The following NEGR1 variants were observed in gnomAD, a reference collection of about 807,000 sequenced individuals.
The protein encoded by NEGR1 is neuronal growth regulator 1.
Under a neutral mutation model 40.9 loss-of-function variants are expected in NEGR1, and 10 were observed. The observed-to-expected ratio is 0.24, with a 90% CI of 0.15 to 0.42. The LOEUF (loss-of-function observed/expected upper bound fraction) is 0.42, where lower values mean the gene tolerates loss of function less well. NEGR1 is among the 10% of genes least tolerant of loss of function. The pLI, the probability that NEGR1 is intolerant of heterozygous loss-of-function variation, is 1.00. For missense variants in NEGR1, 352 were observed against 438.9 expected, an observed-to-expected ratio of 0.80 and a Z score of 1.77; for synonymous variants, 185 against 166.8, an observed-to-expected ratio of 1.11 and a Z score of -0.84.
chr1:72,150,808 T>C (rs1337532310), intron 1 of NEGR1, among the ~76,000 whole-genome samples: 1 of 152,116 alleles, frequency 6.6e-6, no homozygotes, highest in East Asian at 1.9e-4. Flanking sequence ...ATGGTAATTT[T>C]ACTTATTCAC....
chr1:71,823,497 G>A lies in NEGR1; in HGVS notation c.410-47200C>T, dbSNP rs924200457. ...CTTTTCTGTGTAAAAAAGAAAACAC[G>A]CTTTGCATTTCCAGGTGATCCTTGC... On this transcript the variant is annotated intron_variant, in intron 2 of 6. Transcript: ENST00000357731. 3.3e-5 allele frequency among the ~76,000 whole-genome samples: 5 copies of A among 151,928 alleles called. No homozygotes were observed. The South Asian group carries it at 8.3e-4, about 25-fold the overall frequency.
intron 1 of NEGR1, among the ~76,000 whole-genome samples, chr1:72,254,413 G>T (rs1655196773): frequency 6.6e-6 from 1 of 152,082 alleles, no homozygotes; most frequent in Non-Finnish European, 1.5e-5. Context: ...TTAAGAAAAA[G>T]CATATTAGGC....
At chr1:71,534,814 G>A (rs1421878397) in intron 6 of NEGR1, among the ~76,000 whole-genome samples, 1 of 151,354 alleles carries the variant, frequency 6.6e-6, no homozygotes, top group Admixed American at 6.6e-5. Flanking sequence ...GGCCTCATGG[G>A]GCTTATTGAC....
intron 4 of NEGR1, among the ~76,000 whole-genome samples, chr1:71,687,166 A>G (rs1451353249): frequency 6.6e-6 from 1 of 152,202 alleles, no homozygotes; most frequent in Non-Finnish European, 1.5e-5. Flanking sequence ...TTTTATCTAA[A>G]TTGCTAACTT....
At chr1:71,853,204 G>A (rs755509414) in intron 2 of NEGR1, among the ~76,000 whole-genome samples, 19 of 151,954 alleles carry the variant, frequency 1.3e-4, no homozygotes, top group Admixed American at 2.0e-4. Context: ...TAAATTACAC[G>A]GAATATGCAT....
intron 1 of NEGR1, among the ~76,000 whole-genome samples, chr1:71,936,288 C>T (rs1387111417): frequency 6.6e-6 from 1 of 152,040 alleles, no homozygotes; most frequent in Non-Finnish European, 1.5e-5. Context: ...TTGATCAATA[C>T]TTTTTTATAA....
chr1:71,928,543 T>A (rs1267397545), intron 2 of NEGR1, among the ~76,000 whole-genome samples: 4 of 134,946 alleles, frequency 3.0e-5, no homozygotes, highest in Non-Finnish European at 6.3e-5. Flanking sequence ...TACACATATA[T>A]ATACACATAT....
intron 2 of NEGR1, among the ~76,000 whole-genome samples, chr1:71,899,179 A>C (rs1661078429): frequency 6.6e-6 from 1 of 151,430 alleles, no homozygotes; most frequent in Admixed American, 6.6e-5. Context: ...GATGCCTGCT[A>C]AAATGCTGAA....
At chr1:71,729,226 T>A (rs1043817010) in intron 3 of NEGR1, among the ~76,000 whole-genome samples, 1 of 152,120 alleles carries the variant, frequency 6.6e-6, no homozygotes, top group Non-Finnish European at 1.5e-5. Flanking sequence ...AATTTCTCTC[T>A]GCCTTTACAG....
intron 4 of NEGR1, among the ~76,000 whole-genome samples, chr1:71,691,398 T>G (rs969481921): frequency 6.6e-6 from 1 of 151,854 alleles, no homozygotes; most frequent in Non-Finnish European, 1.5e-5. Flanking sequence ...ATTTTTTGGG[T>G]GATTATTGAT....
intron 4 of NEGR1, among the ~76,000 whole-genome samples, chr1:71,689,665 A>G (rs1359252579): frequency 6.6e-6 from 1 of 152,074 alleles, no homozygotes; most frequent in Non-Finnish European, 1.5e-5. Flanking sequence ...GTGACTGAAT[A>G]AAATTCATTA....
intron 1 of NEGR1, among the ~76,000 whole-genome samples, chr1:72,019,904 T>C (rs1225474409): frequency 6.6e-6 from 1 of 152,226 alleles, no homozygotes; most frequent in East Asian, 1.9e-4. Flanking sequence ...GGAGCGCTTA[T>C]GTGGCTAACT....
intron 2 of NEGR1, among the ~76,000 whole-genome samples, chr1:71,926,236 G>T (rs1645771189): frequency 6.6e-6 from 1 of 151,614 alleles, no homozygotes; most frequent in African/African-American, 2.4e-5. Context: ...CAGAAATACT[G>T]CCTTAGTCTC....
intron 1 of NEGR1, among the ~76,000 whole-genome samples, chr1:71,954,770 C>T (rs1418571942): frequency 2.6e-5 from 4 of 151,934 alleles, no homozygotes; most frequent in Non-Finnish European, 4.4e-5. Context: ...AAGCACATTG[C>T]CAAAAATACA....
intron 1 of NEGR1, among the ~76,000 whole-genome samples, chr1:72,237,265 T>C (rs1329232701): frequency 6.6e-6 from 1 of 151,992 alleles, no homozygotes; most frequent in Non-Finnish European, 1.5e-5. Context: ...ATTTATAGAT[T>C]AGCAGGAACC....
intron 2 of NEGR1, among the ~76,000 whole-genome samples, chr1:71,785,321 A>G (rs544445712): frequency 1.3e-4 from 20 of 152,318 alleles, no homozygotes; most frequent in African/African-American, 4.6e-4. Context: ...GAACACCGCA[A>G]TTGAAATACC....
intron 3 of NEGR1, among the ~76,000 whole-genome samples, chr1:71,711,173 TAA>T (rs1164716054): frequency 6.4e-5 from 9 of 139,980 alleles, no homozygotes; most frequent in African/African-American, 1.8e-4. Flanking sequence ...CTGTCTCTAC[TAA>T]AAAAAAAAAA....
chr1:71,626,711 C>A (rs1650794868), intron 4 of NEGR1, among the ~76,000 whole-genome samples: 1 of 151,994 alleles, frequency 6.6e-6, no homozygotes, highest in Non-Finnish European at 1.5e-5. Flanking sequence ...AGGCAACCAA[C>A]AGAATGGGAG....
intron 1 of NEGR1, among the ~76,000 whole-genome samples, chr1:72,135,499 G>T (rs1245767134): frequency 1.3e-5 from 2 of 149,270 alleles, no homozygotes; most frequent in African/African-American, 4.9e-5. Context: ...ATCTCTGGGA[G>T]ATGGAAAACA....
Sources: allele counts gnomAD v4.1 joint callset (sites outside exome capture counted in the v4.1 genomes callset), GRCh38; gene constraint gnomAD v4.1.1; transcripts MANE v1.5; gene names NCBI Gene and HGNC (gene_info 2026-07-23, HGNC 2026-07-21).